The following NUCB1 variants were observed in gnomAD, a reference collection of about 807,000 sequenced individuals.
The protein encoded by NUCB1 is nucleobindin 1.
Under a neutral mutation model 61.2 loss-of-function variants are expected in NUCB1, and 47 were observed. The observed-to-expected ratio is 0.77, with a 90% CI of 0.61 to 0.98. NUCB1 has a LOEUF of 0.98. Among genes scored for constraint, NUCB1 ranks in the 50% least tolerant of loss-of-function variants. NUCB1 has a pLI of 0.00. For synonymous variants in NUCB1, 234 were observed against 243.1 expected (o/e 0.96, Z 0.35); for missense variants, 583 against 605.3 (o/e 0.96, Z 0.39).
At chr19:48,919,974 G>A (rs1353149250) in intron 10 of NUCB1, among the ~76,000 whole-genome samples, 4 of 151,814 alleles carry the variant, frequency 2.6e-5, no homozygotes, top group East Asian at 1.9e-4. Flanking sequence ...TTGCCATATC[G>A]GCCAGGCTGC....
At chr19:48,908,648 CGT>C (rs58211997) in intron 4 of NUCB1, among the ~76,000 whole-genome samples, 6,999 of 86,226 alleles carry the variant, frequency 0.081, 206 homozygotes, top group South Asian at 0.14. Context: ...TCTAGCTGCC[CGT>C]GTGTGTGTGT....
In NUCB1 at chr19:48,905,878, G is replaced by C. The variant is rs1213496621; in HGVS notation, c.369G>C (p.Gln123His). The C allele has an allele frequency of 6.4e-7, 1 of 1,561,938 alleles. No individual in the cohort carries two copies. The highest frequency in any genetic ancestry group is 8.7e-7 in the Non-Finnish European group (1 of 1,148,572). Residue 123 changes from glutamine (Q) to histidine (H), a missense_variant, in exon 4 of 13, where the codon CAG becomes CAC. Physicochemically the swap from Gln to His is conservative, Grantham distance 24 (BLOSUM62 0). Transcript: ENST00000405315. ...MLLKAKMDAE[Q>H]DPNVQVDHLN... ...TCAAGGCCAAGATGGACGCCGAGCAGGATCCCAGTGAGCAGGGGCAGGGCG... is the reference window on the plus strand; with the variant it reads ...TCAAGGCCAAGATGGACGCCGAGCACGATCCCAGTGAGCAGGGGCAGGGCG...
rs759516855 is a variant in NUCB1 at position 48,919,206 on chromosome 19, C to T, written c.922C>T (p.Gln308Ter). 3.7e-6 allele frequency: 6 copies of T among 1,614,134 alleles called. No individual in the cohort carries two copies. The Admixed American group carries it at 1.0e-4, about 27-fold the overall frequency. ...EHVMKNVDTNQDRLVTLEEFL... is the reference protein window; with the variant it reads ...EHVMKNVDTN ...TCTGGCTCCCCAGGTGGACACCAAC[C>T]AGGACCGCCTCGTGACCCTGGAGGA... The change falls in exon 10 of 13, where the codon CAG becomes TAG. Residue 308 changes from glutamine (Q) to a stop codon, truncating the protein, a stop_gained. Coordinates refer to ENST00000405315, the MANE Select transcript of NUCB1 (RefSeq NM_006184.6). LOFTEE classifies it high-confidence loss of function.
chr19:48,917,186 G>A (rs2037550415), intron 7 of NUCB1, among the ~76,000 whole-genome samples: 1 of 152,028 alleles, frequency 6.6e-6, no homozygotes, highest in South Asian at 2.1e-4. Flanking sequence ...TCACACCATT[G>A]CACTCCAGCC....
intron 7 of NUCB1, chr19:48,918,387 G>A (rs1471901855): frequency 8.3e-6 from 2 of 241,660 alleles, no homozygotes; most frequent in East Asian, 2.0e-4. Context: ...TGGCCTGGTT[G>A]TCTGGGAGGC....
chr19:48,905,940 TCACTC>T (rs71903082), intron 4 of NUCB1, 55 bp downstream of exon 4: 127,875 of 1,445,622 alleles, frequency 0.088, 11,733 homozygotes, highest in African/African-American at 0.35. Context: ...AAGGGTGGCC[TCACTC>T]CCGGCCTCCA....
intron 3 of NUCB1, among the ~76,000 whole-genome samples, chr19:48,905,021 C>A (rs191776986): frequency 5.4e-4 from 83 of 152,314 alleles, no homozygotes; most frequent in African/African-American, 2.0e-3. Context: ...ATGGGGCCTC[C>A]CCTCACCGTG....
Position 48,919,077 on chromosome 19 carries a change from G to A in NUCB1, c.864G>A (p.Glu288=). The A allele has an allele frequency of 6.2e-7, 1 of 1,614,210 alleles. No individual in the cohort carries two copies. Among genetic ancestry groups the A allele is most frequent in the Non-Finnish European group, 8.5e-7 (1 of 1,180,044 alleles). The change falls in exon 9 of 13, where the codon GAG becomes GAA. Residue 288 remains glutamate, a synonymous_variant. Coordinates refer to ENST00000405315, the MANE Select transcript of NUCB1 (RefSeq NM_006184.6). ...DPKNEEDDMR[E]MEEERLRMRE... is the part of the protein sequence containing the mutation. ...AGAATGAGGAGGACGACATGCGGGA[G>A]ATGGAGGAGGAGCGACTGCGCATGC...
chr19:48,913,360 A>T, intron 6 of NUCB1, 114 bp from the exon 7 acceptor site: 1 of 1,239,552 alleles, frequency 8.1e-7, no homozygotes, highest in South Asian at 1.3e-5. Context: ...TAGTTTTCTT[A>T]GTTTTCTTGC....
intron 10 of NUCB1, among the ~76,000 whole-genome samples, chr19:48,920,782 G>A (rs8103328): frequency 0.9 from 136,852 of 152,176 alleles, 62,482 homozygotes; most frequent in Non-Finnish European, 0.97. Flanking sequence ...CTCGGCCTCC[G>A]AAAGTGCTGG....
Position 48,919,301 on chromosome 19 carries a change from GA to G in NUCB1, c.1002+16del, listed in dbSNP as rs745366920. The G allele has an allele frequency of 3.8e-6, 6 of 1,588,292 alleles. No individual in the cohort carries two copies. The African/African-American group carries it at 8.1e-5, about 21-fold the overall frequency. The stretch of plus-strand genomic sequence containing the variant: ...AGGGCTGGGAGGTGAGAACATGGGG[GA>G]TACTCGGGGTCCTGAACCTCTCTCT... On this transcript the variant is annotated intron_variant, in intron 10 of 12. Coordinates refer to ENST00000405315, the MANE Select transcript of NUCB1 (RefSeq NM_006184.6).
intron 10 of NUCB1, among the ~76,000 whole-genome samples, chr19:48,920,530 G>A (rs2037597405): frequency 6.6e-6 from 1 of 151,676 alleles, no homozygotes; most frequent in Non-Finnish European, 1.5e-5. Flanking sequence ...TTATTTGTTT[G>A]TTTATTTTTC....
At chr19:48,912,750 C>A (rs1285649669) in intron 5 of NUCB1, among the ~76,000 whole-genome samples, 1 of 149,392 alleles carries the variant, frequency 6.7e-6, no homozygotes, top group African/African-American at 2.5e-5. Context: ...GCAGGAGAAT[C>A]ACTTGAACCC....
At chr19:48,913,744 A>G (rs2037506668) in intron 7 of NUCB1, among the ~76,000 whole-genome samples, 180 bp downstream of exon 7, 1 of 152,136 alleles carries the variant, frequency 6.6e-6, no homozygotes, top group Non-Finnish European at 1.5e-5. Flanking sequence ...TAGGATCTGC[A>G]TGGAAGGGTT....
chr19:48,916,327 G>C (rs949827975), intron 7 of NUCB1, among the ~76,000 whole-genome samples: 1 of 152,150 alleles, frequency 6.6e-6, no homozygotes, highest in Admixed American at 6.6e-5. Flanking sequence ...GCTCTAGAGA[G>C]GACATTTGGG....
chr19:48,915,888 ATCC>A (rs1197568239), intron 7 of NUCB1, among the ~76,000 whole-genome samples: 1 of 151,912 alleles, frequency 6.6e-6, no homozygotes, highest in Admixed American at 6.6e-5. Context: ...GCCTCAAACA[ATCC>A]TCCTGCCTCA....
intron 7 of NUCB1, among the ~76,000 whole-genome samples, chr19:48,914,946 C>T (rs2037522539): frequency 2.0e-5 from 3 of 151,474 alleles, no homozygotes; most frequent in African/African-American, 7.3e-5. Context: ...TGGGCATGAT[C>T]GTGAGTGCCT....
At position 48,907,225 on chromosome 19, in the gene NUCB1, G is replaced by A. The variant is rs1180447545; in HGVS notation, c.376+1340G>A. Among the ~76,000 whole-genome samples the A allele has an allele frequency of 5.3e-5, 8 of 150,536 alleles. No homozygotes were observed. In the East Asian group the frequency reaches 1.2e-3, roughly 22 times the overall value. On this transcript the variant is annotated intron_variant, in intron 4 of 12. Transcript: ENST00000405315. ...TCTAACCTCGTGATCCGCCCACCTC[G>A]GCCTCCCAAAGTGCTGGGATTACAG... is the stretch of plus-strand genomic sequence containing the variant.
At chr19:48,904,078 CATGG>C (rs1385809021) in intron 2 of NUCB1, among the ~76,000 whole-genome samples, 1 of 146,226 alleles carries the variant, frequency 6.8e-6, no homozygotes, top group Admixed American at 6.8e-5. Flanking sequence ...TGGGTGGATG[CATGG>C]ATGGATGGAT....
Sources: gnomAD v4.1 joint callset for allele counts (sites outside exome capture counted in the v4.1 genomes callset) on GRCh38, gnomAD v4.1.1 for gene constraint, MANE v1.5 for transcripts, NCBI Gene and HGNC (gene_info 2026-07-23, HGNC 2026-07-21) for gene names.